The following ZFHX4 variants were observed in gnomAD, a reference collection of about 807,000 sequenced individuals.
ZFHX4 encodes zinc finger homeobox protein 4.
Under a neutral mutation model 267.6 loss-of-function variants are expected in ZFHX4, and 56 were observed. The ratio of observed to expected loss-of-function variants is 0.21; its 90% CI spans 0.17 to 0.26. The LOEUF is 0.26. Among genes scored for constraint, ZFHX4 ranks in the 10% least tolerant of loss-of-function variants. The probability of loss-of-function intolerance (pLI) is 1.00; values close to 1 mark genes in which losing one functional copy is unlikely to be tolerated. For synonymous variants in ZFHX4, 1,778 were observed against 1,665.6 expected, an observed-to-expected ratio of 1.07 and a Z score of -1.64; for missense variants, 4,332 against 4,420.0, an observed-to-expected ratio of 0.98 and a Z score of 0.56.
intron 3 of ZFHX4, among the ~76,000 whole-genome samples, chr8:76,715,902 C>T (rs1808558273): frequency 6.6e-6 from 1 of 152,120 alleles, no homozygotes; most frequent in Admixed American, 6.5e-5. Flanking sequence ...ATACATTTCT[C>T]TCTTCTGTTG....
intron 4 of ZFHX4, among the ~76,000 whole-genome samples, chr8:76,785,184 T>C (rs1810654038): frequency 6.6e-6 from 1 of 152,086 alleles, no homozygotes; most frequent in African/African-American, 2.4e-5. Context: ...ATGAAGAAAA[T>C]TGTAATGTTT....
In ZFHX4 at chr8:76,854,137, C is replaced by T. The variant is rs778541490; in HGVS notation, c.7216C>T (p.Pro2406Ser). ...AGAACCTGAGAAGACTTCTCCAAAACCTGAATATCCCGCAGAAAAGCCAAA... is the reference window on the plus strand; with the variant it reads ...AGAACCTGAGAAGACTTCTCCAAAATCTGAATATCCCGCAGAAAAGCCAAA... Reference protein sequence around the residue: ...KPEPEKTSPKPEYPAEKPKQS... With the variant: ...KPEPEKTSPKSEYPAEKPKQS... Residue 2406 changes from proline to serine, a missense_variant, in exon 10 of 11, where the codon CCT (proline) becomes TCT (serine). This residue lies in a region of ZFHX4 where 1,648 missense variants were observed against 1,625.0 expected (regional missense o/e 1.01). Transcript: ENST00000651372. 2.5e-6 allele frequency: 4 copies of T among 1,612,240 alleles called. No homozygotes were observed. Among genetic ancestry groups the T allele is most frequent in the South Asian group, 1.1e-5 (1 of 90,994 alleles).
At chr8:76,805,255 A>C (rs1305411628) in intron 4 of ZFHX4, among the ~76,000 whole-genome samples, 1 of 152,038 alleles carries the variant, frequency 6.6e-6, no homozygotes, top group Non-Finnish European at 1.5e-5. Context: ...CGCATAACCA[A>C]ATTTGTTTCC....
chr8:76,719,945 A>C (rs1808675723), intron 3 of ZFHX4, among the ~76,000 whole-genome samples: 1 of 152,158 alleles, frequency 6.6e-6, no homozygotes, highest in Admixed American at 6.6e-5. Flanking sequence ...AGTACAGTGA[A>C]TCTTGAGACC....
intron 3 of ZFHX4, among the ~76,000 whole-genome samples, chr8:76,724,562 G>C (rs1585884616): frequency 6.6e-6 from 1 of 152,156 alleles, no homozygotes; most frequent in East Asian, 1.9e-4. Context: ...CTGTACAAAA[G>C]AGCCATTCTT....
intron 6 of ZFHX4, among the ~76,000 whole-genome samples, chr8:76,848,073 C>T (rs1812410669): frequency 6.6e-6 from 1 of 152,058 alleles, no homozygotes; most frequent in Non-Finnish European, 1.5e-5. Context: ...ATTAGAAATA[C>T]TCATAATAAA....
At chr8:76,738,979 T>G (rs1384863473) in intron 3 of ZFHX4, among the ~76,000 whole-genome samples, 1 of 152,064 alleles carries the variant, frequency 6.6e-6, no homozygotes, top group Admixed American at 6.6e-5. Context: ...CCTCCCAAAC[T>G]TCTGGTACTA....
rs760824197 is a variant in ZFHX4, at chr8:76,704,951, G to T, written c.863G>T (p.Gly288Val). ...TGTTTCTTGTGCAAGTTGTCTTTTGGTTATATCAGGTCATTTGTAACCCAT... is the reference window on the plus strand; with the variant it reads ...TGTTTCTTGTGCAAGTTGTCTTTTGTTTATATCAGGTCATTTGTAACCCAT... ...LMCFLCKLSF[G>V]YIRSFVTHAV... The change falls in exon 2 of 11, where the codon GGT becomes GTT. Residue 288 changes from glycine (G) to valine (V), a missense_variant. Gly to Val is a moderately radical substitution (Grantham distance 109, BLOSUM62 -3). Around this residue, in one of 7 missense-constraint regions of ZFHX4, gnomAD observed 1,195 missense variants for 1,173.6 expected, o/e 1.02. Transcript: ENST00000651372. 8 of 1,613,906 alleles carry T rather than the reference G, an allele frequency of 5.0e-6. No homozygotes were observed. The South Asian group carries it at 7.7e-5, about 16-fold the overall frequency.
chr8:76,797,599 A>G (rs1412734514), intron 4 of ZFHX4, among the ~76,000 whole-genome samples: 1 of 152,296 alleles, frequency 6.6e-6, no homozygotes, highest in East Asian at 1.9e-4. Flanking sequence ...ATATTTAGTC[A>G]GCCCTTTTAC....
At position 76,705,328 on chromosome 8, in the gene ZFHX4, TTAG is replaced by T; in HGVS notation, c.1245_1247del (p.Val416del). ...AGTGAATCTGGGGGGGCTGTCTAGT[TTAG>T]TAGTGAACACCCCAATTACCTCTGT... On this transcript the variant is annotated inframe_deletion, in exon 2 of 11. Coordinates refer to ENST00000651372, the MANE Select transcript of ZFHX4 (RefSeq NM_024721.5). 6.2e-7 allele frequency: 1 copy of T among 1,613,938 alleles called. No individual in the cohort carries two copies. Among genetic ancestry groups the T allele is most frequent in the Non-Finnish European group, 8.5e-7 (1 of 1,179,890 alleles).
rs758905575 is a variant in ZFHX4, at chr8:76,706,559, A to G, written c.2471A>G (p.Tyr824Cys). 3.1e-6 allele frequency: 5 copies of G among 1,612,328 alleles called. No individual in the cohort carries two copies. The African/African-American group carries it at 6.7e-5, about 22-fold the overall frequency. Residue 824 changes from tyrosine (Y) to cysteine (C), a missense_variant, in exon 2 of 11, where the codon TAC becomes TGC. By Grantham distance (194) the Tyr-to-Cys change is radical. Coordinates refer to ENST00000651372, the MANE Select transcript of ZFHX4 (RefSeq NM_024721.5). ...APAEAELYQY[Y>C]LAQNIGLTGM... ...GCGGAAGCAGAGCTTTATCAGTACT[A>G]CCTAGCCCAGAACATAGGCCTGACC...
intron 3 of ZFHX4, among the ~76,000 whole-genome samples, chr8:76,766,488 A>C (rs2131740500): frequency 6.6e-6 from 1 of 152,194 alleles, no homozygotes; most frequent in South Asian, 2.1e-4. Context: ...TTATTTCTTT[A>C]AAAAATATCC....
At chr8:76,858,716 C>T (rs1161467591) in intron 10 of ZFHX4, among the ~76,000 whole-genome samples, 3 of 152,128 alleles carry the variant, frequency 2.0e-5, no homozygotes, top group African/African-American at 7.2e-5. Context: ...TGTCACCAAA[C>T]AATTATCTTC....
At chr8:76,739,829 G>A (rs977151551) in intron 3 of ZFHX4, among the ~76,000 whole-genome samples, 15 of 152,032 alleles carry the variant, frequency 9.9e-5, no homozygotes, top group Admixed American at 6.6e-5. Context: ...TATATTTATA[G>A]GTCCCAGCCT....
At chr8:76,772,894 C>T (rs1282723322) in intron 3 of ZFHX4, among the ~76,000 whole-genome samples, 1 of 152,118 alleles carries the variant, frequency 6.6e-6, no homozygotes, top group Non-Finnish European at 1.5e-5. Flanking sequence ...CAAAAACCTG[C>T]CAAACCAAGT....
At chr8:76,715,818 G>A (rs1241653704) in intron 3 of ZFHX4, among the ~76,000 whole-genome samples, 1 of 152,220 alleles carries the variant, frequency 6.6e-6, no homozygotes, top group Admixed American at 6.5e-5. Context: ...AAATATTAAA[G>A]TGTATGGAGA....
rs374869797 is a variant in ZFHX4, at chr8:76,854,031, G to T, written c.7110G>T (p.Thr2370=). 9.3e-6 allele frequency: 15 copies of T among 1,613,750 alleles called. No individual in the cohort carries two copies. Among genetic ancestry groups the T allele is most frequent in the Non-Finnish European group, 1.1e-5 (13 of 1,179,870 alleles). Reference sequence around the variant, plus strand: ...AGCATTGCACAGTGTCTGGCCAAACGGATGCAGCTAAAAACGCTGCTGCCC... The same window carrying T: ...AGCATTGCACAGTGTCTGGCCAAACTGATGCAGCTAAAAACGCTGCTGCCC... The part of the protein sequence containing the change: ...VYKHCTVSGQ[T]DAAKNAAAPA... Residue 2370 remains threonine (T), a synonymous_variant, in exon 10 of 11, where the codon ACG becomes ACT. Transcript: ENST00000651372.
In ZFHX4 at chr8:76,705,879, T is replaced by C. The variant is rs375544776; in HGVS notation, c.1791T>C (p.Thr597=). ...ACCAGCATGGCTTTACCCCGAGTAC[T>C]CCTGGCACACCAGGGCCTGGAGGAG... ...TPHQHGFTPS[T]PGTPGPGGDG... is the part of the protein sequence containing the mutation. Residue 597 remains threonine (T), a synonymous_variant, in exon 2 of 11, where the codon ACT becomes ACC. Transcript: ENST00000651372. 112 of 1,613,532 alleles carry C rather than the reference T, an allele frequency of 6.9e-5. No individual in the cohort carries two copies. The highest frequency in any genetic ancestry group is 9.1e-5 in the Non-Finnish European group (107 of 1,179,858).
intron 1 of ZFHX4, among the ~76,000 whole-genome samples, chr8:76,701,436 G>A (rs1409203521): frequency 6.6e-6 from 1 of 152,018 alleles, no homozygotes; most frequent in Non-Finnish European, 1.5e-5. Context: ...GACCTATGAT[G>A]GATTCTTTAA....
Sources: gnomAD v4.1 joint callset for allele counts (sites outside exome capture counted in the v4.1 genomes callset) on GRCh38, gnomAD v4.1.1 for gene constraint, gnomAD v4.1.1 regional missense constraint, MANE v1.5 for transcripts, NCBI Gene and HGNC (gene_info 2026-07-23, HGNC 2026-07-21) for gene names.